The following DLG2 variants were observed in gnomAD, a reference collection of about 807,000 sequenced individuals.
The protein encoded by DLG2 is discs large MAGUK scaffold protein 2.
DLG2 carries 45 observed loss-of-function variants against 132.5 expected under a neutral mutation model. That is an observed-to-expected ratio of 0.34 (90% CI 0.27 to 0.44). The LOEUF (loss-of-function observed/expected upper bound fraction) is 0.44. DLG2 is among the 20% of genes least tolerant of loss of function. DLG2 has a pLI of 1.00. For synonymous variants in DLG2, 424 were observed against 419.6 expected, an observed-to-expected ratio of 1.01 and a Z score of -0.13; for missense variants, 1,045 against 1,196.9, an observed-to-expected ratio of 0.87 and a Z score of 1.87.
intron 3 of DLG2, among the ~76,000 whole-genome samples, chr11:85,445,590 G>A (rs1299736767): frequency 6.6e-6 from 1 of 152,200 alleles, no homozygotes; most frequent in Non-Finnish European, 1.5e-5. Context: ...TGAGGCAGGA[G>A]AATCGCCTGA....
At chr11:84,822,815 G>T (rs956670564) in intron 6 of DLG2, among the ~76,000 whole-genome samples, 1 of 151,838 alleles carries the variant, frequency 6.6e-6, no homozygotes, top group Non-Finnish European at 1.5e-5. Flanking sequence ...ATGGGTAAAA[G>T]GTACTGTTAT....
At chr11:83,851,170 C>G (rs748536805) in intron 16 of DLG2, among the ~76,000 whole-genome samples, 36 of 85,526 alleles carry the variant, frequency 4.2e-4, no homozygotes, top group Admixed American at 6.2e-4. Context: ...GAGTGAGACT[C>G]CGTCTCAAAA....
At chr11:85,077,290 A>G (rs2066667061) in intron 6 of DLG2, among the ~76,000 whole-genome samples, 1 of 152,050 alleles carries the variant, frequency 6.6e-6, no homozygotes, top group East Asian at 1.9e-4. Context: ...CATGTGAGTT[A>G]AGGTGATAAG....
intron 16 of DLG2, among the ~76,000 whole-genome samples, chr11:83,859,623 T>G (rs1287180796): frequency 2.6e-5 from 4 of 152,208 alleles, no homozygotes; most frequent in African/African-American, 9.6e-5. Context: ...TTGGAAAATT[T>G]GCAGTTTGAC....
At chr11:84,821,717 C>T (rs1311715796) in intron 6 of DLG2, among the ~76,000 whole-genome samples, 1 of 150,618 alleles carries the variant, frequency 6.6e-6, no homozygotes, top group Admixed American at 6.6e-5. Flanking sequence ...GAGTTCCTTT[C>T]CAATGTAGAA....
chr11:84,304,152 G>A (rs1396657678), intron 7 of DLG2, among the ~76,000 whole-genome samples: 1 of 152,120 alleles, frequency 6.6e-6, no homozygotes, highest in African/African-American at 2.4e-5. Flanking sequence ...CTTCTCTACA[G>A]TCATAAATGC....
intron 2 of DLG2, among the ~76,000 whole-genome samples, chr11:85,613,089 G>A (rs1246707905): frequency 6.6e-6 from 1 of 152,114 alleles, no homozygotes; most frequent in African/African-American, 2.4e-5. Flanking sequence ...ATCAGAAAAC[G>A]CCTTTCAAAC....
intron 18 of DLG2, among the ~76,000 whole-genome samples, chr11:83,698,133 T>C (rs1051005190): frequency 6.6e-6 from 1 of 152,166 alleles, no homozygotes; most frequent in African/African-American, 2.4e-5. Context: ...AGGGTTGTGA[T>C]GGGGAGTACA....
chr11:83,911,231 A>G (rs2075990448), intron 15 of DLG2, among the ~76,000 whole-genome samples: 1 of 152,154 alleles, frequency 6.6e-6, no homozygotes. Flanking sequence ...GAACAGGGGA[A>G]TGAAGCTGAC....
chr11:85,495,957 T>A (rs1245479728), intron 3 of DLG2, among the ~76,000 whole-genome samples: 1 of 152,078 alleles, frequency 6.6e-6, no homozygotes, highest in Non-Finnish European at 1.5e-5. Flanking sequence ...CAGGAAGAGC[T>A]CAGCTCTACA....
Position 85,274,966 on chromosome 11 carries a change from T to C in DLG2, c.186+10254A>G, listed in dbSNP as rs182500628. On this transcript the variant is annotated intron_variant, in intron 4 of 27. Coordinates refer to ENST00000376104, the MANE Select transcript of DLG2 (RefSeq NM_001142699.3). ...TATTTCTACATGGCAGCTCATACTTTGTTGAACTTAAGCATAAAAATGGAT... is the reference window on the plus strand; with the variant it reads ...TATTTCTACATGGCAGCTCATACTTCGTTGAACTTAAGCATAAAAATGGAT... Among the ~76,000 whole-genome samples, 695 of 152,334 alleles carry C rather than the reference T, an allele frequency of 4.6e-3. 5 individuals are homozygous for C. Among genetic ancestry groups the C allele is most frequent in the Non-Finnish European group, 7.7e-3 (523 of 68,020 alleles).
chr11:84,646,922 G>A lies in DLG2; in HGVS notation c.358-112191C>T, dbSNP rs569327708. Reference sequence around the variant, plus strand: ...CATTAGTAGTACAAGTTATAACCCAGGCATATTCTCTGTCATCAAAGGGCT... The same window carrying A: ...CATTAGTAGTACAAGTTATAACCCAAGCATATTCTCTGTCATCAAAGGGCT... On this transcript the variant is annotated intron_variant, in intron 6 of 27. Transcript: ENST00000376104. 7.2e-5 allele frequency among the ~76,000 whole-genome samples: 11 copies of A among 152,146 alleles called. No homozygotes were observed. The South Asian group carries it at 1.9e-3, about 26-fold the overall frequency.
At chr11:84,396,481 T>C (rs1312690765) in intron 7 of DLG2, among the ~76,000 whole-genome samples, 1 of 152,250 alleles carries the variant, frequency 6.6e-6, no homozygotes, top group Non-Finnish European at 1.5e-5. Context: ...TTTTGTTTCG[T>C]GCATGGGCAC....
intron 12 of DLG2, among the ~76,000 whole-genome samples, chr11:83,968,370 T>C (rs7482523): frequency 0.043 from 6,475 of 152,278 alleles, 197 homozygotes; most frequent in Non-Finnish European, 0.067. Context: ...TAAGCTTCTC[T>C]AGCACCTCTC....
chr11:84,956,777 G>T (rs184087654), intron 6 of DLG2, among the ~76,000 whole-genome samples: 1 of 152,274 alleles, frequency 6.6e-6, no homozygotes, highest in Non-Finnish European at 1.5e-5. Flanking sequence ...GATAGGTTAT[G>T]TGACTCACCC....
intron 18 of DLG2, among the ~76,000 whole-genome samples, chr11:83,752,816 G>A (rs1348317628): frequency 6.6e-6 from 1 of 152,182 alleles, no homozygotes; most frequent in Non-Finnish European, 1.5e-5. Flanking sequence ...GAAGGCATTG[G>A]CCAGAAATAT....
chr11:84,386,161 A>AT (rs1379082132), intron 7 of DLG2, among the ~76,000 whole-genome samples: 2 of 151,882 alleles, frequency 1.3e-5, no homozygotes, highest in East Asian at 1.9e-4. Flanking sequence ...AGCCCAGCCA[A>AT]TTTTTTTAAC....
intron 22 of DLG2, among the ~76,000 whole-genome samples, chr11:83,479,171 A>G (rs963669037): frequency 5.3e-5 from 8 of 151,840 alleles, no homozygotes; most frequent in African/African-American, 1.9e-4. Flanking sequence ...TCTCATTACA[A>G]TTTTCTTCAT....
chr11:84,744,994 C>T (rs919728892), intron 6 of DLG2, among the ~76,000 whole-genome samples: 4 of 150,554 alleles, frequency 2.7e-5, no homozygotes, highest in Admixed American at 6.6e-5. Context: ...AAAGATTTCT[C>T]GCACCAAGCA....
Sources: gnomAD v4.1 joint callset for allele counts (sites outside exome capture counted in the v4.1 genomes callset) on GRCh38, gnomAD v4.1.1 for gene constraint, MANE v1.5 for transcripts, NCBI Gene and HGNC (gene_info 2026-07-23, HGNC 2026-07-21) for gene names.